The following IMMP1L variants were observed in gnomAD, a reference collection of about 807,000 sequenced individuals.
The protein encoded by IMMP1L is inner mitochondrial membrane peptidase subunit 1, also known as mitochondrial inner membrane protease subunit 1.
Under a neutral mutation model 21.8 loss-of-function variants are expected in IMMP1L, and 24 were observed. That is an observed-to-expected ratio of 1.10 (90% CI 0.80 to 1.55). The LOEUF (loss-of-function observed/expected upper bound fraction) is 1.55. Ranked by LOEUF, IMMP1L falls within the 40% of genes most tolerant of loss-of-function variation. The pLI is 0.00. For synonymous variants in IMMP1L, 46 were observed against 62.8 expected, an observed-to-expected ratio of 0.73 and a Z score of 1.26; for missense variants, 195 against 200.7, an observed-to-expected ratio of 0.97 and a Z score of 0.17.
intron 1 of IMMP1L, among the ~76,000 whole-genome samples, chr11:31,470,262 A>T (rs939315955): frequency 6.6e-6 from 1 of 152,062 alleles, no homozygotes; most frequent in African/African-American, 2.4e-5. Flanking sequence ...AAAAATACAA[A>T]ATTAGCCAGG....
At position 31,500,946 on chromosome 11, in the gene IMMP1L, C is replaced by T. The variant is rs540904919; in HGVS notation, c.-30+8573G>A. Reference sequence around the variant, plus strand: ...TAGAAAAAGGTTGCCAAAGCTTGATCTAAAGCTGTGTGATTTAATATAGTA... The same window carrying T: ...TAGAAAAAGGTTGCCAAAGCTTGATTTAAAGCTGTGTGATTTAATATAGTA... On this transcript the variant is annotated intron_variant, in intron 1 of 5. Transcript: ENST00000532287. Among the ~76,000 whole-genome samples the T allele has an allele frequency of 6.2e-4, 94 of 152,322 alleles. 1 individual carries two copies. The highest frequency in any genetic ancestry group is 6.1e-3 in the Admixed American group (94 of 15,294).
At chr11:31,437,760 C>T (rs1219375613) in intron 4 of IMMP1L, among the ~76,000 whole-genome samples, 1 of 152,156 alleles carries the variant, frequency 6.6e-6, no homozygotes, top group Admixed American at 6.6e-5. Context: ...TTCCTATCGC[C>T]ATGCCTAGAC....
intron 4 of IMMP1L, among the ~76,000 whole-genome samples, chr11:31,439,847 C>CAACAAG (rs1222941885): frequency 2.0e-5 from 3 of 152,110 alleles, no homozygotes; most frequent in African/African-American, 7.2e-5. Flanking sequence ...TTCTGGATAT[C>CAACAAG]AACAAGATCT....
At chr11:31,478,040 G>C (rs1954779954) in intron 1 of IMMP1L, among the ~76,000 whole-genome samples, 1 of 152,082 alleles carries the variant, frequency 6.6e-6, no homozygotes, top group South Asian at 2.1e-4. Flanking sequence ...ATAAGCTAAG[G>C]ATCACAAAAC....
intron 1 of IMMP1L, among the ~76,000 whole-genome samples, chr11:31,491,950 G>A (rs534228005): frequency 6.6e-6 from 1 of 152,270 alleles, no homozygotes; most frequent in Admixed American, 6.5e-5. Context: ...TGTCTATAAA[G>A]AACAGGCAGA....
In IMMP1L at chr11:31,465,578, A is replaced by G. The variant is rs147703615; in HGVS notation, c.-29-2273T>C. On this transcript the variant is annotated intron_variant, in intron 1 of 5. Transcript: ENST00000532287. ...ACAAAGCTATAGTAACCAAAACAGC[A>G]TGGTATTAGTATAAAAACACATAGA... Among the ~76,000 whole-genome samples, 610 of 152,278 alleles carry G rather than the reference A, an allele frequency of 4.0e-3. 2 individuals are homozygous for G. Among genetic ancestry groups the G allele is most frequent in the African/African-American group, 0.014 (592 of 41,584 alleles).
intron 4 of IMMP1L, chr11:31,452,333 C>A: frequency 1.0e-6 from 1 of 984,988 alleles, no homozygotes; most frequent in Non-Finnish European, 1.2e-6. Flanking sequence ...ATTATGAGTG[C>A]TTTTCTTCTT....
At chr11:31,439,408 T>C (rs1953241290) in intron 4 of IMMP1L, among the ~76,000 whole-genome samples, 1 of 152,180 alleles carries the variant, frequency 6.6e-6, no homozygotes, top group Non-Finnish European at 1.5e-5. Context: ...GCTCTAAAAA[T>C]TACATTTGGT....
At chr11:31,473,132 C>G (rs1954622468) in intron 1 of IMMP1L, among the ~76,000 whole-genome samples, 1 of 152,222 alleles carries the variant, frequency 6.6e-6, no homozygotes, top group Non-Finnish European at 1.5e-5. Flanking sequence ...TCACCGCAAG[C>G]TCCGCCTCCC....
rs1954107243 is a variant in IMMP1L at position 31,460,662 on chromosome 11, G to T, written c.158C>A (p.Ala53Glu). ...ATAAAAATGTCGACTAAGATTTTCT[G>T]CAAAGACAATATCTGAATTTTGAAT... ...PTIQNSDIVF[A>E]ENLSRHFYGI... Residue 53 changes from alanine to glutamate, a missense_variant, in exon 3 of 6, where the codon GCA becomes GAA. By Grantham distance (107) the Ala-to-Glu change is moderately radical. Transcript: ENST00000532287. The T allele has an allele frequency of 6.2e-7, 1 of 1,610,732 alleles. No individual in the cohort carries two copies.
Position 31,499,403 on chromosome 11 carries a change from C to G in IMMP1L, c.-30+10116G>C, listed in dbSNP as rs566276401. ...AAACAAAACAAAACAAAAAACACTACACTGAAACGACAGTACGTTTTAAAA... is the reference window on the plus strand; with the variant it reads ...AAACAAAACAAAACAAAAAACACTAGACTGAAACGACAGTACGTTTTAAAA... On this transcript the variant is annotated intron_variant, in intron 1 of 5. Transcript: ENST00000532287. 2.9e-5 allele frequency among the ~76,000 whole-genome samples: 4 copies of G among 140,090 alleles called. No homozygotes were observed. The South Asian group carries it at 8.3e-4, about 29-fold the overall frequency. The allele number at this position is 140,090 out of a possible 152,430, so 91.9% of individuals were successfully genotyped here. A position where few individuals can be genotyped will look rare whatever the true frequency, so the allele number is the denominator to read the frequency against.
chr11:31,463,216 A>G lies in IMMP1L; in HGVS notation c.61T>C (p.Cys21Arg). 6.2e-7 allele frequency: 1 copy of G among 1,611,958 alleles called. No homozygotes were observed. The highest frequency in any genetic ancestry group is 2.2e-5 in the East Asian group (1 of 44,770). The change falls in exon 2 of 6, where the codon TGT becomes CGT. Residue 21 changes from cysteine (C) to arginine (R), a missense_variant. Transcript: ENST00000532287. ...TATTCAAAAGCACAATGAGCTATAC[A>G]GCCATATTGAATAGTATAGCCAACA... ...RLVGYTIQYG[C>R]IAHCAFEYVG...
chr11:31,495,379 A>G (rs1955398205), intron 1 of IMMP1L, among the ~76,000 whole-genome samples: 1 of 152,164 alleles, frequency 6.6e-6, no homozygotes, highest in African/African-American at 2.4e-5. Context: ...CCACATTTTC[A>G]GGTATCCTTA....
At chr11:31,466,022 G>A (rs1206611745) in intron 1 of IMMP1L, among the ~76,000 whole-genome samples, 1 of 152,010 alleles carries the variant, frequency 6.6e-6, no homozygotes, top group Non-Finnish European at 1.5e-5. Context: ...CTATGCATCT[G>A]ACATGGACTA....
Position 31,496,955 on chromosome 11 carries a change from A to G in IMMP1L, c.-30+12564T>C, listed in dbSNP as rs979571216. Among the ~76,000 whole-genome samples, 6 of 146,054 alleles carry G rather than the reference A, an allele frequency of 4.1e-5. No homozygotes were observed. The East Asian group carries it at 1.2e-3, about 29-fold the overall frequency. On this transcript the variant is annotated intron_variant, in intron 1 of 5. Transcript: ENST00000532287. The stretch of plus-strand genomic sequence containing the variant: ...CAATGATATATCATCTATTACGTAT[A>G]TCATATATATCATCTATTATATATG...
intron 1 of IMMP1L, among the ~76,000 whole-genome samples, chr11:31,489,138 C>A (rs960073288): frequency 6.6e-5 from 10 of 152,046 alleles, no homozygotes; most frequent in African/African-American, 2.4e-4. Flanking sequence ...ACCTTGTGAT[C>A]CGCCTGCCTC....
intron 1 of IMMP1L, among the ~76,000 whole-genome samples, chr11:31,508,957 A>G (rs1955892418): frequency 6.6e-6 from 1 of 152,244 alleles, no homozygotes; most frequent in Non-Finnish European, 1.5e-5. Context: ...TTTGGGGGAA[A>G]GAAACCCTAA....
chr11:31,432,648 C>T, intron 5 of IMMP1L, 80 bp from the exon 6 acceptor site: 1 of 938,254 alleles, frequency 1.1e-6, no homozygotes, highest in South Asian at 1.4e-5. Context: ...GCTATCTGTC[C>T]CTTTTCTCTA....
intron 1 of IMMP1L, among the ~76,000 whole-genome samples, chr11:31,499,755 C>T (rs1955558394): frequency 2.0e-5 from 3 of 151,964 alleles, no homozygotes; most frequent in South Asian, 4.1e-4. Context: ...GCTACTTTCC[C>T]ATGGAAGAGT....
Sources: gnomAD v4.1 joint callset for allele counts (sites outside exome capture counted in the v4.1 genomes callset) on GRCh38, gnomAD v4.1.1 for gene constraint, MANE v1.5 for transcripts, NCBI Gene and HGNC (gene_info 2026-07-23, HGNC 2026-07-21) for gene names.